CFAP144: variants seen among roughly 807,000 people sequenced by gnomAD.
The protein encoded by CFAP144 is cilia and flagella associated protein 144.
the CFAP144 span, chr1:43,147,695 G>T: frequency 1.2e-6 from 1 of 863,842 alleles, no homozygotes; most frequent in Non-Finnish European, 1.4e-6. Flanking sequence ...TAACCAGCCG[G>T]GCCTGAGGAG....
the CFAP144 span, among the ~76,000 whole-genome samples, chr1:43,149,586 A>G: frequency 6.6e-6 from 1 of 152,140 alleles, no homozygotes. Context: ...AGGAAAGCAA[A>G]TTAGTGTCCA....
the CFAP144 span, among the ~76,000 whole-genome samples, chr1:43,143,881 T>A: frequency 6.6e-6 from 1 of 151,932 alleles, no homozygotes; most frequent in African/African-American, 2.4e-5. Context: ...CTACCTGCCC[T>A]CTTTTGGCCC....
the CFAP144 span, among the ~76,000 whole-genome samples, chr1:43,151,368 A>C: frequency 1.3e-5 from 2 of 152,212 alleles, no homozygotes; most frequent in Non-Finnish European, 2.9e-5. Context: ...GGCTGGGTGG[A>C]GGGATCTCAT....
chr1:43,147,867 G>A, the CFAP144 span: 1 of 1,566,042 alleles, frequency 6.4e-7, no homozygotes, highest in Non-Finnish European at 8.6e-7. Flanking sequence ...GAGACCACGG[G>A]ACGCCGTTGC....
At chr1:43,151,059 A>G in the CFAP144 span, among the ~76,000 whole-genome samples, 2 of 152,348 alleles carry the variant, frequency 1.3e-5, no homozygotes, top group East Asian at 1.9e-4. Context: ...GACATACTCA[A>G]TTATAACTGT....
At chr1:43,150,213 C>A in the CFAP144 span, among the ~76,000 whole-genome samples, 1 of 152,196 alleles carries the variant, frequency 6.6e-6, no homozygotes, top group Non-Finnish European at 1.5e-5. Context: ...GCTCAGGGGA[C>A]ACAAGAGCCA....
At chr1:43,156,281 A>G in the CFAP144 span, 4 of 1,613,870 alleles carry the variant, frequency 2.5e-6, no homozygotes, top group Non-Finnish European at 3.4e-6. Context: ...CAAGGCTAAA[A>G]CGTGGGGCTT....
At chr1:43,147,847 CT>C in the CFAP144 span, 11 of 1,548,666 alleles carry the variant, frequency 7.1e-6, no homozygotes, top group Non-Finnish European at 9.6e-6. Flanking sequence ...TACCCGAGCG[CT>C]GTTGCCTGGA....
the CFAP144 span, among the ~76,000 whole-genome samples, chr1:43,146,790 T>A: frequency 2.6e-5 from 4 of 152,226 alleles, no homozygotes; most frequent in African/African-American, 9.6e-5. Context: ...TCAGACAGTA[T>A]TTAGGTGCTT....
the CFAP144 span, among the ~76,000 whole-genome samples, chr1:43,144,524 A>C: frequency 6.6e-6 from 1 of 151,952 alleles, no homozygotes; most frequent in Non-Finnish European, 1.5e-5. Context: ...CTGTTCCTTA[A>C]TGCTCTCATC....
the CFAP144 span, among the ~76,000 whole-genome samples, chr1:43,149,159 A>G: frequency 3.3e-5 from 5 of 152,212 alleles, no homozygotes; most frequent in African/African-American, 1.2e-4. Context: ...AGATCACATC[A>G]ATCCCACCTA....
chr1:43,148,227 C>A, the CFAP144 span: 4 of 855,464 alleles, frequency 4.7e-6, no homozygotes, highest in African/African-American at 6.8e-5. Flanking sequence ...TTTCAGGAAC[C>A]ATGACTTTGG....
At chr1:43,152,211 G>A in the CFAP144 span, among the ~76,000 whole-genome samples, 1 of 152,132 alleles carries the variant, frequency 6.6e-6, no homozygotes, top group Admixed American at 6.5e-5. Context: ...CAGAACTATG[G>A]AGCTGCAAAT....
the CFAP144 span, chr1:43,148,115 G>T: frequency 0.28 from 442,395 of 1,605,494 alleles, 64,062 homozygotes; most frequent in Non-Finnish European, 0.3. Context: ...GGGGAAGGGC[G>T]AGAGCGGGAG....
At chr1:43,153,097 A>G in the CFAP144 span, 1 of 815,432 alleles carries the variant, frequency 1.2e-6, no homozygotes. Flanking sequence ...AATTGTTGTA[A>G]AATGGAGCTA....
chr1:43,153,107 A>G, the CFAP144 span: 1 of 709,676 alleles, frequency 1.4e-6, no homozygotes, highest in Admixed American at 2.9e-5. Flanking sequence ...AAATGGAGCT[A>G]ATACAGTACC....
At chr1:43,152,880 C>T in the CFAP144 span, 30 of 1,613,414 alleles carry the variant, frequency 1.9e-5, no homozygotes, top group Non-Finnish European at 2.3e-5. Flanking sequence ...GGAAGAAGTA[C>T]CCAGAGACAC....
chr1:43,153,319 T>A, the CFAP144 span, among the ~76,000 whole-genome samples: 1 of 152,088 alleles, frequency 6.6e-6, no homozygotes, highest in Non-Finnish European at 1.5e-5. Flanking sequence ...CCATAAAAAA[T>A]GGACATGTGG....
the CFAP144 span, chr1:43,145,208 G>C: frequency 2.0e-6 from 3 of 1,509,452 alleles, no homozygotes; most frequent in Non-Finnish European, 2.7e-6. Context: ...ACGGAACTTG[G>C]TCTGTAGCCA....
Sources: allele counts gnomAD v4.1 joint callset (sites outside exome capture counted in the v4.1 genomes callset), GRCh38; gene constraint gnomAD v4.1.1; transcripts MANE v1.5; gene names NCBI Gene and HGNC (gene_info 2026-07-23, HGNC 2026-07-21).